The following MOAP1 variants were observed in gnomAD, a reference collection of about 807,000 sequenced individuals.
The protein encoded by MOAP1 is modulator of apoptosis 1.
For synonymous variants in MOAP1, 150 were observed against 161.0 expected, an observed-to-expected ratio of 0.93 and a Z score of 0.52; for missense variants, 385 against 418.6, an observed-to-expected ratio of 0.92 and a Z score of 0.70.
chr14:93,184,271 A>G lies in MOAP1; in HGVS notation c.-29T>C. ...GCCCGAAATAATAGACTTAAGTTCTAAATATGCCAGACCACAGGCGACCAC... is the reference window on the plus strand; with the variant it reads ...GCCCGAAATAATAGACTTAAGTTCTGAATATGCCAGACCACAGGCGACCAC... On this transcript the variant is annotated 5_prime_UTR_variant, in exon 3 of 3. Coordinates refer to ENST00000298894, the MANE Select transcript of MOAP1 (RefSeq NM_022151.5). This position sits in a 1 kb window ranked among gnomAD's most constrained non-coding sequence, Gnocchi z 4.2. 1 of 1,497,826 alleles carries G rather than the reference A, an allele frequency of 6.7e-7. No individual in the cohort carries two copies. 92.8% of individuals were successfully genotyped at this position (1,497,826 alleles called of 1,614,324 possible). A position where few individuals can be genotyped will look rare whatever the true frequency, so the allele number is the denominator to read the frequency against.
rs956007609 is a variant in MOAP1, at chr14:93,182,874, G to C, written c.*313C>G. The stretch of plus-strand genomic sequence containing the variant: ...AAACCTGGAAGGCGGAGGATGCAGT[G>C]AGCCAAGATCACGCCACTGCACTCC... On this transcript the variant is annotated 3_prime_UTR_variant, in exon 3 of 3. Transcript: ENST00000298894. 1.0e-5 allele frequency: 3 copies of C among 290,280 alleles called. No homozygotes were observed. Among genetic ancestry groups the C allele is most frequent in the Non-Finnish European group, 1.9e-5 (3 of 155,754 alleles). 18.0% of individuals were successfully genotyped at this position (290,280 alleles called of 1,614,324 possible). A position where few individuals can be genotyped will look rare whatever the true frequency, so the allele number is the denominator to read the frequency against.
In MOAP1 at chr14:93,184,212, T is replaced by C; in HGVS notation, c.31A>G (p.Arg11Gly). 3 of 1,603,346 alleles carry C rather than the reference T, an allele frequency of 1.9e-6. No individual in the cohort carries two copies. The highest frequency in any genetic ancestry group is 2.6e-6 in the Non-Finnish European group (3 of 1,175,876). The stretch of plus-strand genomic sequence containing the variant: ...TTCCGAGGGTTCATGTCCATCCCCC[T>C]GCACCAGTCTTCTAAAAGCCTCAAA... The part of the protein sequence containing the change: MTLRLLEDWC[R>G]GMDMNPRKAL... The change falls in exon 3 of 3, where the codon AGG becomes GGG. Residue 11 changes from arginine to glycine, a missense_variant. By Grantham distance (125) the Arg-to-Gly change is moderately radical (BLOSUM62 -2). Coordinates refer to ENST00000298894, the MANE Select transcript of MOAP1 (RefSeq NM_022151.5). This position sits in a 1 kb window ranked among gnomAD's most constrained non-coding sequence, Gnocchi z 4.2.
chr14:93,182,891 C>T lies in MOAP1; in HGVS notation c.*296G>A. 5.6e-6 allele frequency: 2 copies of T among 354,194 alleles called. No homozygotes were observed. The highest frequency in any genetic ancestry group is 1.1e-4 in the South Asian group (2 of 17,770). 21.9% of individuals were successfully genotyped at this position (354,194 alleles called of 1,614,324 possible). On this transcript the variant is annotated 3_prime_UTR_variant, in exon 3 of 3. Transcript: ENST00000298894. ...GATGCAGTGAGCCAAGATCACGCCA[C>T]TGCACTCCAGCCTGGGTGACAGAGC...
In MOAP1 at chr14:93,184,148, A is replaced by T; in HGVS notation, c.95T>A (p.Val32Glu). 1 of 1,614,148 alleles carries T rather than the reference A, an allele frequency of 6.2e-7. No homozygotes were observed. Among genetic ancestry groups the T allele is most frequent in the Non-Finnish European group, 8.5e-7 (1 of 1,180,018 alleles). ...LIAGISQSCS[V>E]AEIEEALQAG... ...CTGCAGAGCCTCCTCGATTTCTGCC[A>T]CACTGCAGCTCTGGGAGATGCCGGC... The change falls in exon 3 of 3, where the codon GTG becomes GAG. Residue 32 changes from valine (V) to glutamate (E), a missense_variant. By Grantham distance (121) the Val-to-Glu change is moderately radical. Coordinates refer to ENST00000298894, the MANE Select transcript of MOAP1 (RefSeq NM_022151.5). The surrounding 1 kb of genome is among the most constrained non-coding windows in gnomAD (Gnocchi z 4.2).
chr14:93,184,172 G>C lies in MOAP1; in HGVS notation c.71C>G (p.Ala24Gly). Reference sequence around the variant, plus strand: ...CACACTGCAGCTCTGGGAGATGCCGGCAATCAATAGCGCTTTCCGAGGGTT... The same window carrying C: ...CACACTGCAGCTCTGGGAGATGCCGCCAATCAATAGCGCTTTCCGAGGGTT... ...DMNPRKALLI[A>G]GISQSCSVAE... The change falls in exon 3 of 3, where the codon GCC becomes GGC. Residue 24 changes from alanine (A) to glycine (G), a missense_variant. By Grantham distance (60) the Ala-to-Gly change is moderately conservative. Transcript: ENST00000298894. This position sits in a 1 kb window ranked among gnomAD's most constrained non-coding sequence, Gnocchi z 4.2. The C allele has an allele frequency of 6.2e-7, 1 of 1,613,804 alleles. No individual in the cohort carries two copies. The highest frequency in any genetic ancestry group is 8.5e-7 in the Non-Finnish European group (1 of 1,179,868).
chr14:93,184,334 A>T lies in MOAP1; in HGVS notation c.-92T>A. 1 of 763,778 alleles carries T rather than the reference A, an allele frequency of 1.3e-6. No individual in the cohort carries two copies. Among genetic ancestry groups the T allele is most frequent in the Non-Finnish European group, 1.8e-6 (1 of 567,176 alleles). 47.3% of individuals were successfully genotyped at this position (763,778 alleles called of 1,614,324 possible). On this transcript the variant is annotated 5_prime_UTR_variant, in exon 3 of 3. Transcript: ENST00000298894. This position sits in a 1 kb window ranked among gnomAD's most constrained non-coding sequence, Gnocchi z 4.2. ...TAATCCTCCGCGGTACCCCAGAGAA[A>T]TCTTGTCAACGTGCCGAGGTCCAGC... is the stretch of plus-strand genomic sequence containing the variant.
In MOAP1 at chr14:93,184,338, TGTC is replaced by T; in HGVS notation, c.-99_-97del. The T allele has an allele frequency of 1.5e-6, 1 of 679,032 alleles. No homozygotes were observed. The highest frequency in any genetic ancestry group is 2.0e-6 in the Non-Finnish European group (1 of 498,044). The allele number at this position is 679,032 out of a possible 1,614,324, so 42.1% of individuals were successfully genotyped here. A position where few individuals can be genotyped will look rare whatever the true frequency, so the allele number is the denominator to read the frequency against. On this transcript the variant is annotated 5_prime_UTR_variant, in exon 3 of 3. Transcript: ENST00000298894. This position sits in a 1 kb window ranked among gnomAD's most constrained non-coding sequence, Gnocchi z 4.2. The stretch of plus-strand genomic sequence containing the variant: ...CCTCCGCGGTACCCCAGAGAAATCT[TGTC>T]AACGTGCCGAGGTCCAGCAGCCTGC...
rs772220006 is a variant in MOAP1 at position 93,183,312 on chromosome 14, GCT to G, written c.929_930del (p.Glu310AlafsTer2). ...AGAVHKTIRR[E>X]LNLPEDGPAP... is the part of the protein sequence containing the mutation. ...GCTGGGCCATCCTCTGGCAGATTAA[GCT>G]CTCTGCGAATTGTTTTGTGGACTGC... is the stretch of plus-strand genomic sequence containing the variant. On this transcript the variant is annotated frameshift_variant, in exon 3 of 3. Transcript: ENST00000298894. LOFTEE classifies it low-confidence loss of function (END_TRUNC). 8.1e-6 allele frequency: 13 copies of G among 1,614,166 alleles called. No homozygotes were observed. In the Admixed American group the frequency reaches 2.2e-4, roughly 27 times the overall value.
In MOAP1 at chr14:93,182,892, T is replaced by C. The variant is rs529132151; in HGVS notation, c.*295A>G. 1.3e-4 allele frequency: 47 copies of C among 357,624 alleles called. No homozygotes were observed. In the East Asian group the frequency reaches 2.3e-3, roughly 18 times the overall value. 22.2% of individuals were successfully genotyped at this position (357,624 alleles called of 1,614,324 possible). A position where few individuals can be genotyped will look rare whatever the true frequency, so the allele number is the denominator to read the frequency against. On this transcript the variant is annotated 3_prime_UTR_variant, in exon 3 of 3. Coordinates refer to ENST00000298894, the MANE Select transcript of MOAP1 (RefSeq NM_022151.5). ...ATGCAGTGAGCCAAGATCACGCCAC[T>C]GCACTCCAGCCTGGGTGACAGAGCG...
In MOAP1 at chr14:93,183,843, C is replaced by A; in HGVS notation, c.400G>T (p.Glu134Ter). The A allele has an allele frequency of 5.6e-6, 9 of 1,614,076 alleles. No individual in the cohort carries two copies. The highest frequency in any genetic ancestry group is 7.6e-6 in the Non-Finnish European group (9 of 1,180,028). ...LGHENGSLDP[E>*]QGMIPEMWAP... ...CACATTTCCGGGATCATGCCCTGCT[C>A]TGGGTCTAAGGAGCCATTTTCATGT... Residue 134 changes from glutamate to a stop codon, truncating the protein, a stop_gained, in exon 3 of 3, where the codon GAG (glutamate) becomes TAG (stop). Coordinates refer to ENST00000298894, the MANE Select transcript of MOAP1 (RefSeq NM_022151.5). LOFTEE classifies it low-confidence loss of function (END_TRUNC).
rs762823871 is a variant in MOAP1 at position 93,183,363 on chromosome 14, G to C, written c.880C>G (p.Arg294Gly). The C allele has an allele frequency of 1.2e-6, 2 of 1,614,052 alleles. No individual in the cohort carries two copies. The highest frequency in any genetic ancestry group is 2.7e-5 in the African/African-American group (2 of 74,928). The change falls in exon 3 of 3, where the codon CGC (arginine) becomes GGC (glycine). Residue 294 changes from arginine to glycine, a missense_variant. Arg to Gly is a moderately radical substitution (Grantham distance 125). Transcript: ENST00000298894. ...GCCCCAGCAATGACTTGGTCTAGGC[G>C]GGCCTGATTCACAGCATCTCTCTCA... Reference protein sequence around the residue: ...AIERDAVNQARLDQVIAGAVH... With the variant: ...AIERDAVNQAGLDQVIAGAVH...
Position 93,184,423 on chromosome 14 carries a change from C to A in MOAP1, c.-120-61G>T, listed in dbSNP as rs1479656851. ...CAACGTCCAGGGCAAGCGTGCAGGC[C>A]CCAAGCCCCGCGCGCCCTGCCCCCA... is the stretch of plus-strand genomic sequence containing the variant. On this transcript the variant is annotated intron_variant, in intron 2 of 2. Transcript: ENST00000298894. The surrounding 1 kb of genome is among the most constrained non-coding windows in gnomAD (Gnocchi z 4.2). 1 of 194,632 alleles carries A rather than the reference C, an allele frequency of 5.1e-6. No homozygotes were observed. Among genetic ancestry groups the A allele is most frequent in the Non-Finnish European group, 9.7e-6 (1 of 102,696 alleles). The allele number at this position is 194,632 out of a possible 1,614,324, so 12.1% of individuals were successfully genotyped here.
chr14:93,184,678 G>C lies in MOAP1; in HGVS notation c.-240C>G, dbSNP rs1232749492. ...CTGACGGACACTCGGGGGCCACAGCGACCGATGCCGGTACTCCAGGTGCCT... is the reference window on the plus strand; with the variant it reads ...CTGACGGACACTCGGGGGCCACAGCCACCGATGCCGGTACTCCAGGTGCCT... On this transcript the variant is annotated 5_prime_UTR_variant, in exon 2 of 3. Transcript: ENST00000298894. The surrounding 1 kb of genome is among the most constrained non-coding windows in gnomAD (Gnocchi z 4.2). The C allele has an allele frequency of 1.3e-5, 2 of 152,266 alleles. No homozygotes were observed. Among genetic ancestry groups the C allele is most frequent in the Non-Finnish European group, 2.9e-5 (2 of 68,072 alleles). The allele number at this position is 152,266 out of a possible 1,614,324, so 9.4% of individuals were successfully genotyped here.
chr14:93,183,105 A>G lies in MOAP1; in HGVS notation c.*82T>C. 6.7e-7 allele frequency: 1 copy of G among 1,498,040 alleles called. No individual in the cohort carries two copies. The highest frequency in any genetic ancestry group is 8.9e-7 in the Non-Finnish European group (1 of 1,125,270). 92.8% of individuals were successfully genotyped at this position (1,498,040 alleles called of 1,614,324 possible). On this transcript the variant is annotated 3_prime_UTR_variant, in exon 3 of 3. Transcript: ENST00000298894. The stretch of plus-strand genomic sequence containing the variant: ...AGTTACTTGGCAGCACAAGGTAGGG[A>G]TTGTATGTGTCACAAGAGTATATAG...
Position 93,183,587 on chromosome 14 carries a change from C to G in MOAP1, c.656G>C (p.Arg219Pro). ...SLRGPALDVIRVLKINNPLIT... is the reference protein window; with the variant it reads ...SLRGPALDVIPVLKINNPLIT... ...TAAAGGATTGTTTATCTTGAGGACA[C>G]GAATAACATCAAGTGCTGGGCCTCG... The change falls in exon 3 of 3, where the codon CGT becomes CCT. Residue 219 changes from arginine (R) to proline (P), a missense_variant. Transcript: ENST00000298894. The G allele has an allele frequency of 6.2e-7, 1 of 1,614,212 alleles. No individual in the cohort carries two copies. Among genetic ancestry groups the G allele is most frequent in the Non-Finnish European group, 8.5e-7 (1 of 1,180,044 alleles).
chr14:93,183,789 C>A lies in MOAP1; in HGVS notation c.454G>T (p.Ala152Ser). ...AAGCATTGCAGGGCAGGCTGAAGAG[C>A]CTCTAATGCCTGTGCCAACATAGGG... is the stretch of plus-strand genomic sequence containing the variant. ...WAPMLAQALE[A>S]LQPALQCLKY... The change falls in exon 3 of 3, where the codon GCT (alanine) becomes TCT (serine). Residue 152 changes from alanine (A) to serine (S), a missense_variant. Transcript: ENST00000298894. 1 of 1,614,098 alleles carries A rather than the reference C, an allele frequency of 6.2e-7. No individual in the cohort carries two copies. Among genetic ancestry groups the A allele is most frequent in the Non-Finnish European group, 8.5e-7 (1 of 1,180,014 alleles).
At position 93,183,128 on chromosome 14, in the gene MOAP1, T is replaced by C. The variant is rs1011529948; in HGVS notation, c.*59A>G. On this transcript the variant is annotated 3_prime_UTR_variant, in exon 3 of 3. Coordinates refer to ENST00000298894, the MANE Select transcript of MOAP1 (RefSeq NM_022151.5). ...GGATTGTATGTGTCACAAGAGTATA[T>C]AGACTGTTCTACCTTCATGCTCTAC... 5.0e-5 allele frequency: 76 copies of C among 1,530,432 alleles called. No individual in the cohort carries two copies. The African/African-American group carries it at 5.3e-4, about 11-fold the overall frequency. The allele number at this position is 1,530,432 out of a possible 1,614,324, so 94.8% of individuals were successfully genotyped here. A position where few individuals can be genotyped will look rare whatever the true frequency, so the allele number is the denominator to read the frequency against.
rs766587233 is a variant in MOAP1 at position 93,183,996 on chromosome 14, G to T, written c.247C>A (p.Pro83Thr). The part of the protein sequence containing the change: ...TSHALVPKEI[P>T]GKGGIWRVIF... ...ACTCTCCAGATACCCCCTTTTCCCG[G>T]TATCTCCTTAGGGACCAGGGCGTGA... The change falls in exon 3 of 3, where the codon CCG becomes ACG. Residue 83 changes from proline (P) to threonine (T), a missense_variant. Transcript: ENST00000298894. 6.2e-7 allele frequency: 1 copy of T among 1,614,026 alleles called. No individual in the cohort carries two copies. The highest frequency in any genetic ancestry group is 1.1e-5 in the South Asian group (1 of 91,068).
In MOAP1 at chr14:93,182,596, T is replaced by C. The variant is rs1317484842; in HGVS notation, c.*591A>G. On this transcript the variant is annotated 3_prime_UTR_variant, in exon 3 of 3. Transcript: ENST00000298894. ...AGCCTTGTCTGTCCCCTCAGAGCAC[T>C]GCACACAGATAGTGAAAGAACTTGT... 6.5e-6 allele frequency: 1 copy of C among 153,804 alleles called. No individual in the cohort carries two copies. The highest frequency in any genetic ancestry group is 6.4e-5 in the Admixed American group (1 of 15,566). The allele number at this position is 153,804 out of a possible 1,614,324, so 9.5% of individuals were successfully genotyped here. A position where few individuals can be genotyped will look rare whatever the true frequency, so the allele number is the denominator to read the frequency against.
Sources: allele counts gnomAD v4.1 joint callset, GRCh38; gene constraint gnomAD v4.1.1; non-coding constraint Gnocchi (gnomAD v3.1); transcripts MANE v1.5; gene names NCBI Gene and HGNC (gene_info 2026-07-23, HGNC 2026-07-21).